SPACA6: variants seen among roughly 807,000 people sequenced by gnomAD.
SPACA6 encodes sperm acrosome membrane-associated protein 6.
For synonymous variants in SPACA6, 6 were observed against 1.5 expected (o/e 4.05, Z -2.21); for missense variants, 8 against 2.8 (o/e 2.88, Z -1.34).
chr19:51,701,855 T>C, intron 3 of SPACA6, 129 bp downstream of exon 3: 1 of 380,298 alleles, frequency 2.6e-6, no homozygotes, highest in Non-Finnish European at 4.7e-6. Context: ...GGCAGATCAC[T>C]TGAGATCAGG....
At chr19:51,684,780 A>C (rs1355547206), upstream of SPACA6, among the ~76,000 whole-genome samples, 3 of 152,240 alleles carry the variant, frequency 2.0e-5, no homozygotes, top group African/African-American at 7.2e-5. Flanking sequence ...GTTGGGCCAC[A>C]TTCAAAGCCA....
In SPACA6 at chr19:51,693,652, GA is replaced by G; in HGVS notation, c.127del (p.Met43CysfsTer44). The G allele has an allele frequency of 2.4e-6, 1 of 413,620 alleles. No homozygotes were observed. The highest frequency in any genetic ancestry group is 3.1e-4 in the Middle Eastern group (1 of 3,236). The allele number at this position is 413,620 out of a possible 1,614,324, so 25.6% of individuals were successfully genotyped here. ...ACTCTGAGCGCCTCCGCATCTGCCA[GA>G]TGTTTGTTGGGATGCGGAGCCCCAA... is the stretch of plus-strand genomic sequence containing the variant. The part of the protein sequence containing the change: ...TYSERLRICQ[M>X]FVGMRSPKLE... On this transcript the variant is annotated frameshift_variant, in exon 1 of 9. Transcript: ENST00000637797. LOFTEE classifies it high-confidence loss of function.
At chr19:51,692,306 CG>C (rs1288365232), upstream of SPACA6, among the ~76,000 whole-genome samples, 2 of 151,524 alleles carry the variant, frequency 1.3e-5, no homozygotes, top group African/African-American at 4.8e-5. This position sits in a 1 kb window ranked among gnomAD's most constrained non-coding sequence, Gnocchi z 5.6. Context: ...CCTGCCTGGC[CG>C]GAGGGAGGAG....
downstream of SPACA6, among the ~76,000 whole-genome samples, chr19:51,705,949 G>C (rs1444130125): frequency 6.6e-6 from 1 of 152,142 alleles, no homozygotes; most frequent in African/African-American, 2.4e-5. Context: ...ACCTGCCTTG[G>C]CCTCCCAAAG....
chr19:51,683,577 C>T, the SPACA6 span, among the ~76,000 whole-genome samples: 3 of 152,052 alleles, frequency 2.0e-5, no homozygotes, highest in African/African-American at 7.2e-5. Flanking sequence ...GTAAAAATAC[C>T]TTCATAAGAA....
downstream of SPACA6, among the ~76,000 whole-genome samples, chr19:51,709,399 C>A (rs1272059169): frequency 6.6e-6 from 1 of 151,580 alleles, no homozygotes; most frequent in African/African-American, 2.4e-5. Context: ...TGCCTATAAT[C>A]CCAGCTACTT....
chr19:51,684,064 C>CG, the SPACA6 span, among the ~76,000 whole-genome samples: 26,933 of 152,118 alleles, frequency 0.18, 2,638 homozygotes, highest in African/African-American at 0.23. Context: ...GGCTCACAGA[C>CG]AATGAATGAT....
intron 2 of SPACA6, among the ~76,000 whole-genome samples, chr19:51,699,123 C>T (rs978579003): frequency 5.9e-5 from 9 of 152,190 alleles, no homozygotes; most frequent in African/African-American, 2.2e-4. Flanking sequence ...CATCCTCCCA[C>T]TTCAGCTTCC....
chr19:51,704,525 GTC>G, intron 8 of SPACA6, 45 bp downstream of exon 8: 1 of 401,018 alleles, frequency 2.5e-6, no homozygotes, highest in African/African-American at 2.1e-5. Context: ...GCTCCCCGCT[GTC>G]TCAGATCCCA....
upstream of SPACA6, among the ~76,000 whole-genome samples, chr19:51,692,198 G>A (rs533501256): frequency 6.6e-6 from 1 of 152,282 alleles, no homozygotes; most frequent in East Asian, 1.9e-4. The surrounding 1 kb of genome is among the most constrained non-coding windows in gnomAD (Gnocchi z 5.6). Context: ...TAGGAAGCAG[G>A]TGTGCCCAAA....
At chr19:51,709,219 GAAAA>G (rs35079110), downstream of SPACA6, among the ~76,000 whole-genome samples, 5 of 126,990 alleles carry the variant, frequency 3.9e-5, no homozygotes, top group African/African-American at 8.7e-5. Context: ...ACCTGAATCA[GAAAA>G]AAAAAAAAAA....
upstream of SPACA6, among the ~76,000 whole-genome samples, chr19:51,690,472 C>G (rs1035686024): frequency 1.3e-5 from 2 of 152,084 alleles, no homozygotes; most frequent in Non-Finnish European, 2.9e-5. Flanking sequence ...CAGGAGTCCC[C>G]ACCTCCTCTT....
At chr19:51,699,861 T>C (rs1236951525) in intron 2 of SPACA6, among the ~76,000 whole-genome samples, 1 of 152,146 alleles carries the variant, frequency 6.6e-6, no homozygotes, top group African/African-American at 2.4e-5. Context: ...CCTGCCACAT[T>C]ACTGATTTCC....
At chr19:51,694,874 G>A (rs998503820) in intron 2 of SPACA6, among the ~76,000 whole-genome samples, 1 of 152,088 alleles carries the variant, frequency 6.6e-6, no homozygotes, top group Non-Finnish European at 1.5e-5. Flanking sequence ...GAAGTTCTGG[G>A]TGTGTCACTG....
chr19:51,688,018 C>G (rs555811238), upstream of SPACA6: 155 of 152,794 alleles, frequency 1.0e-3, no homozygotes, highest in Non-Finnish European at 2.0e-3. Flanking sequence ...CCCGTCTCTC[C>G]CCCTCCACTC....
At chr19:51,709,152 A>G (rs1196407321), downstream of SPACA6, among the ~76,000 whole-genome samples, 1 of 151,652 alleles carries the variant, frequency 6.6e-6, no homozygotes, top group African/African-American at 2.4e-5. Context: ...TGAGAGGTCA[A>G]GGCTGCAGTG....
intron 4 of SPACA6, 56 bp from the exon 5 acceptor site, chr19:51,702,965 G>A (rs2083481287): frequency 5.0e-6 from 2 of 399,170 alleles, no homozygotes; most frequent in Non-Finnish European, 8.8e-6. Context: ...AATGGGCCAA[G>A]GGCCCCGGGC....
At chr19:51,693,964 AGATGGAGACTCAGAGAGGGGGAG>A (rs892180238) in intron 1 of SPACA6, 10 of 366,038 alleles carry the variant, frequency 2.7e-5, no homozygotes, top group African/African-American at 1.9e-4. Flanking sequence ...AGAGAGGGGA[AGATGGAGACTCAGAGAGGGGGAG>A]GATGGAGACT....
At position 51,704,303 on chromosome 19, in the gene SPACA6, T is replaced by G. The variant is rs2083496324; in HGVS notation, c.764T>G (p.Leu255Trp). 2.5e-6 allele frequency: 1 copy of G among 400,602 alleles called. No individual in the cohort carries two copies. The highest frequency in any genetic ancestry group is 3.6e-5 in the East Asian group (1 of 28,040). The allele number at this position is 400,602 out of a possible 1,614,324, so 24.8% of individuals were successfully genotyped here. Residue 255 changes from leucine to tryptophan, a missense_variant, in exon 8 of 9, where the codon TTG becomes TGG. Physicochemically the swap from Leu to Trp is moderately conservative, Grantham distance 61. Coordinates refer to ENST00000637797, the MANE Select transcript of SPACA6 (RefSeq NM_001316972.2). ...TGPPPRAETE[L>W]QASFREVLRW... ...CCGCCCCCGCGGGCGGAGACAGAGT[T>G]GCAGGCCTCGTTCCGGGAAGTGCTG...
Sources: gnomAD v4.1 joint callset for allele counts (sites outside exome capture counted in the v4.1 genomes callset) on GRCh38, gnomAD v4.1.1 for gene constraint, Gnocchi (gnomAD v3.1) non-coding constraint, MANE v1.5 for transcripts, NCBI Gene and HGNC (gene_info 2026-07-23, HGNC 2026-07-21) for gene names.